ABHD5: variants seen among roughly 807,000 people sequenced by gnomAD.
ABHD5 encodes 1-acylglycerol-3-phosphate O-acyltransferase ABHD5.
A neutral mutation model predicts 44.9 loss-of-function variants in ABHD5; 30 were observed. The observed-to-expected ratio is 0.67, with a 90% confidence interval of 0.50 to 0.91. The LOEUF (loss-of-function observed/expected upper bound fraction) is 0.91, where lower values mean the gene tolerates loss of function less well. Ranked by LOEUF, ABHD5 falls within the 40% of genes least tolerant of loss-of-function variation. The pLI, the probability that ABHD5 is intolerant of heterozygous loss-of-function variation, is 0.00. For synonymous variants in ABHD5, 167 were observed against 147.0 expected (o/e 1.14, Z -0.99); for missense variants, 399 against 423.4 (o/e 0.94, Z 0.50).
intron 5 of ABHD5, among the ~76,000 whole-genome samples, chr3:43,716,912 C>G (rs1270284352): frequency 2.0e-5 from 3 of 152,316 alleles, no homozygotes; most frequent in Admixed American, 6.5e-5. Context: ...GGTACTCACG[C>G]CTGTAATCCC....
intron 1 of ABHD5, among the ~76,000 whole-genome samples, chr3:43,694,003 A>C (rs1203904448): frequency 1.3e-5 from 2 of 151,752 alleles, no homozygotes; most frequent in Admixed American, 1.3e-4. Context: ...TCCTAAACTA[A>C]ACGATATAAA....
At chr3:43,701,425 A>G (rs2084540738) in intron 2 of ABHD5, among the ~76,000 whole-genome samples, 1 of 152,248 alleles carries the variant, frequency 6.6e-6, no homozygotes, top group African/African-American at 2.4e-5. Flanking sequence ...TGCATAAATA[A>G]TTAAGGGGTA....
chr3:43,713,630 C>G (rs1257023523), intron 4 of ABHD5, among the ~76,000 whole-genome samples: 1 of 152,140 alleles, frequency 6.6e-6, no homozygotes, highest in Non-Finnish European at 1.5e-5. Context: ...TCAGCCCTCC[C>G]CAGTAGAGCC....
intron 1 of ABHD5, among the ~76,000 whole-genome samples, chr3:43,694,184 A>C (rs1391584683): frequency 6.8e-6 from 1 of 147,934 alleles, no homozygotes; most frequent in East Asian, 2.1e-4. Context: ...GCGTGAACCC[A>C]GGAGGCGGAG....
chr3:43,718,651 C>T lies in ABHD5; in HGVS notation c.*119C>T. The T allele has an allele frequency of 1.0e-6, 1 of 955,464 alleles. No individual in the cohort carries two copies. The highest frequency in any genetic ancestry group is 1.7e-6 in the Non-Finnish European group (1 of 594,848). The allele number at this position is 955,464 out of a possible 1,614,324, so 59.2% of individuals were successfully genotyped here. A position where few individuals can be genotyped will look rare whatever the true frequency, so the allele number is the denominator to read the frequency against. On this transcript the variant is annotated 3_prime_UTR_variant, in exon 7 of 7. Transcript: ENST00000644371. ...CAACCAGGCAGCCTTCTTGACTATACTTTGCACATGTTTTCTTTAGGAATT... is the reference window on the plus strand; with the variant it reads ...CAACCAGGCAGCCTTCTTGACTATATTTTGCACATGTTTTCTTTAGGAATT...
chr3:43,691,328 T>A, intron 1 of ABHD5: 3 of 259,684 alleles, frequency 1.2e-5, no homozygotes, highest in South Asian at 1.7e-4. Flanking sequence ...CGTTGTTGTA[T>A]AAGCCACCCC....
upstream of ABHD5, chr3:43,690,927 C>CT: frequency 6.6e-7 from 1 of 1,510,222 alleles, no homozygotes; most frequent in Non-Finnish European, 8.8e-7. Flanking sequence ...CGCGCCAGCC[C>CT]GGGGCGGCCC....
At chr3:43,696,962 G>A (rs2084481398) in intron 1 of ABHD5, among the ~76,000 whole-genome samples, 1 of 152,142 alleles carries the variant, frequency 6.6e-6, no homozygotes, top group African/African-American at 2.4e-5. Flanking sequence ...GAGAGTTGGT[G>A]CCTCTTCTTA....
rs1446673643 is a variant in ABHD5 at position 43,721,476 on chromosome 3, C to T, written c.*2944C>T. On this transcript the variant is annotated 3_prime_UTR_variant, in exon 7 of 7. Coordinates refer to ENST00000644371, the MANE Select transcript of ABHD5 (RefSeq NM_016006.6). The stretch of plus-strand genomic sequence containing the variant: ...ATGGAATGGCTCATGGCTGTAATCC[C>T]AGCATTTTGGGAGGCTGAGGCAGAA... 1 of 151,002 alleles carries T rather than the reference C, an allele frequency of 6.6e-6. No homozygotes were observed. Among genetic ancestry groups the T allele is most frequent in the African/African-American group, 2.4e-5 (1 of 40,960 alleles). The allele number at this position is 151,002 out of a possible 1,614,324, so 9.4% of individuals were successfully genotyped here. A position where few individuals can be genotyped will look rare whatever the true frequency, so the allele number is the denominator to read the frequency against.
chr3:43,711,943 T>C, intron 4 of ABHD5, 80 bp downstream of exon 4: 1 of 1,593,002 alleles, frequency 6.3e-7, no homozygotes, highest in Non-Finnish European at 8.6e-7. Context: ...GTCAAAATCT[T>C]AAAAACAAAC....
intron 4 of ABHD5, among the ~76,000 whole-genome samples, chr3:43,712,577 G>A (rs1249131351): frequency 6.6e-6 from 1 of 152,094 alleles, no homozygotes; most frequent in East Asian, 1.9e-4. Context: ...TATGAATTTG[G>A]AGTACTTTTA....
At chr3:43,712,515 A>G (rs1357395784) in intron 4 of ABHD5, among the ~76,000 whole-genome samples, 4 of 152,106 alleles carry the variant, frequency 2.6e-5, no homozygotes, top group African/African-American at 9.7e-5. Flanking sequence ...TCCTTCCCTC[A>G]TTGTCACAGA....
intron 2 of ABHD5, 174 bp from the exon 3 acceptor site, chr3:43,702,041 C>A: frequency 1.6e-6 from 1 of 617,874 alleles, no homozygotes; most frequent in Non-Finnish European, 2.7e-6. Context: ...AAAACATGGT[C>A]ATTTAGGATT....
Position 43,721,610 on chromosome 3 carries a change from A to G in ABHD5, c.*3078A>G, listed in dbSNP as rs2084837651. 2.0e-5 allele frequency: 3 copies of G among 151,610 alleles called. No homozygotes were observed. The highest frequency in any genetic ancestry group is 2.0e-4 in the Admixed American group (3 of 15,204). 9.4% of individuals were successfully genotyped at this position (151,610 alleles called of 1,614,324 possible). A position where few individuals can be genotyped will look rare whatever the true frequency, so the allele number is the denominator to read the frequency against. ...TAAGTACCTGGCCTGGGTTCCACCT[A>G]CTTGGGAGGCTGAGGTAGGAGGACT... On this transcript the variant is annotated 3_prime_UTR_variant, in exon 7 of 7. Coordinates refer to ENST00000644371, the MANE Select transcript of ABHD5 (RefSeq NM_016006.6).
At chr3:43,715,523 A>G (rs2084753226) in intron 5 of ABHD5, among the ~76,000 whole-genome samples, 1 of 152,208 alleles carries the variant, frequency 6.6e-6, no homozygotes, top group Non-Finnish European at 1.5e-5. Flanking sequence ...GACTGAATTT[A>G]AAAGGACAAG....
rs369056780 is a variant in ABHD5 at position 43,695,837 on chromosome 3, C to T, written c.48-3439C>T. Reference sequence around the variant, plus strand: ...AAGTCAGATTCTTAGGTAAAATATACTCTATTAATATGTTAAGCACATCTT... The same window carrying T: ...AAGTCAGATTCTTAGGTAAAATATATTCTATTAATATGTTAAGCACATCTT... On this transcript the variant is annotated intron_variant, in intron 1 of 6. Coordinates refer to ENST00000644371, the MANE Select transcript of ABHD5 (RefSeq NM_016006.6). Among the ~76,000 whole-genome samples the T allele has an allele frequency of 4.3e-4, 65 of 152,296 alleles. 1 individual carries two copies. The highest frequency in any genetic ancestry group is 1.5e-3 in the African/African-American group (63 of 41,566).
rs2084845540 is a variant in ABHD5 at position 43,722,268 on chromosome 3, AT to A, written c.*3741del. On this transcript the variant is annotated 3_prime_UTR_variant, in exon 7 of 7. Coordinates refer to ENST00000644371, the MANE Select transcript of ABHD5 (RefSeq NM_016006.6). ...ACAGCTGTAGAAAGGACTGCGAACT[AT>A]TTTTGTAGTTCTGGTCTGGAGAAAT... The A allele has an allele frequency of 6.6e-6, 1 of 152,242 alleles. No individual in the cohort carries two copies. The highest frequency in any genetic ancestry group is 1.5e-5 in the Non-Finnish European group (1 of 68,050). The allele number at this position is 152,242 out of a possible 1,614,324, so 9.4% of individuals were successfully genotyped here. A position where few individuals can be genotyped will look rare whatever the true frequency, so the allele number is the denominator to read the frequency against.
At chr3:43,704,851 A>G (rs759982039) in intron 3 of ABHD5, among the ~76,000 whole-genome samples, 3 of 152,252 alleles carry the variant, frequency 2.0e-5, no homozygotes, top group Non-Finnish European at 4.4e-5. Context: ...ACCAAGAATC[A>G]TAAGTAGTAG....
chr3:43,732,395 A>G (rs149498923), intron 7 of ABHD5, among the ~76,000 whole-genome samples: 22 of 152,232 alleles, frequency 1.4e-4, no homozygotes, highest in African/African-American at 5.1e-4. Context: ...GCACCACTGC[A>G]CTCCAGCCTG....
Sources: gnomAD v4.1 joint callset for allele counts (sites outside exome capture counted in the v4.1 genomes callset) on GRCh38, gnomAD v4.1.1 for gene constraint, MANE v1.5 for transcripts, NCBI Gene and HGNC (gene_info 2026-07-23, HGNC 2026-07-21) for gene names.